Variants in KALRN observed in about 807,000 individuals in gnomAD.
KALRN encodes the protein kalirin.
In KALRN, 70 loss-of-function variants were observed where a neutral mutation model predicts 353.7. That is an observed-to-expected ratio of 0.20 (90% CI 0.16 to 0.24). The LOEUF (loss-of-function observed/expected upper bound fraction) is 0.24, where lower values mean the gene tolerates loss of function less well. Among genes scored for constraint, KALRN ranks in the 10% least tolerant of loss-of-function variants. The probability of loss-of-function intolerance (pLI) is 1.00; values close to 1 mark genes in which losing one functional copy is unlikely to be tolerated. For missense variants in KALRN, 2,791 were observed against 3,756.7 expected (o/e 0.74, Z 6.72); for synonymous variants, 1,391 against 1,434.8 (o/e 0.97, Z 0.69).
chr3:124,510,287 G>A (rs1033109968), intron 33 of KALRN, among the ~76,000 whole-genome samples: 1 of 152,180 alleles, frequency 6.6e-6, no homozygotes, highest in African/African-American at 2.4e-5. Flanking sequence ...TGGGAGCAAG[G>A]AGGAAGATCA....
intron 5 of KALRN, among the ~76,000 whole-genome samples, chr3:124,271,194 G>T (rs992316421): frequency 1.3e-5 from 2 of 152,190 alleles, no homozygotes; most frequent in African/African-American, 2.4e-5. Context: ...TTGCTCTGGG[G>T]CAGGGAATCT....
intron 1 of KALRN, among the ~76,000 whole-genome samples, chr3:124,060,497 T>A (rs1456478956): frequency 6.6e-6 from 1 of 152,232 alleles, no homozygotes; most frequent in Non-Finnish European, 1.5e-5. Flanking sequence ...AGTGCAAACC[T>A]CCAGGTGTCT....
chr3:124,647,228 A>G (rs1171269597), intron 37 of KALRN, among the ~76,000 whole-genome samples: 1 of 152,068 alleles, frequency 6.6e-6, no homozygotes, highest in African/African-American at 2.4e-5. Context: ...TCTTAATACC[A>G]TGCAGACAGG....
At chr3:124,611,001 G>A (rs1421104528) in intron 34 of KALRN, among the ~76,000 whole-genome samples, 1 of 152,128 alleles carries the variant, frequency 6.6e-6, no homozygotes, top group Non-Finnish European at 1.5e-5. Flanking sequence ...TCCAGCCTGG[G>A]CAACAGAGTG....
At chr3:124,306,997 A>G (rs559729551) in intron 6 of KALRN, among the ~76,000 whole-genome samples, 152 of 152,266 alleles carry the variant, frequency 1.0e-3, no homozygotes, top group Middle Eastern at 3.4e-3. Flanking sequence ...AGAAATAATA[A>G]AGGAAGTTTT....
chr3:124,375,446 G>A (rs1019430252), intron 10 of KALRN, among the ~76,000 whole-genome samples: 38 of 152,200 alleles, frequency 2.5e-4, no homozygotes, highest in Non-Finnish European at 4.3e-4. Flanking sequence ...GCTCCCCTAG[G>A]CCCAGCTTAC....
intron 33 of KALRN, among the ~76,000 whole-genome samples, chr3:124,553,970 C>G (rs542355542): frequency 1.3e-5 from 2 of 152,230 alleles, no homozygotes; most frequent in African/African-American, 4.8e-5. Context: ...CTTCTTTCCC[C>G]GAGGAGAGTA....
intron 33 of KALRN, among the ~76,000 whole-genome samples, chr3:124,535,820 C>T (rs183648510): frequency 2.2e-4 from 34 of 152,212 alleles, no homozygotes; most frequent in Non-Finnish European, 4.3e-4. Flanking sequence ...TGCAGGTAAG[C>T]GGTCCAGGAC....
chr3:124,319,272 C>T (rs2079087411), intron 6 of KALRN, among the ~76,000 whole-genome samples: 1 of 151,670 alleles, frequency 6.6e-6, no homozygotes, highest in Admixed American at 6.6e-5. Flanking sequence ...TGGAGTTCAG[C>T]CTCAGCAACA....
intron 33 of KALRN, among the ~76,000 whole-genome samples, chr3:124,560,506 T>C (rs1037433458): frequency 6.6e-6 from 1 of 152,186 alleles, no homozygotes; most frequent in African/African-American, 2.4e-5. Flanking sequence ...TAAAATAGAA[T>C]GTCAGAGTGG....
intron 6 of KALRN, among the ~76,000 whole-genome samples, chr3:124,323,795 G>A (rs1222166364): frequency 2.0e-5 from 3 of 152,210 alleles, no homozygotes; most frequent in African/African-American, 7.2e-5. Context: ...CAGGGGCATG[G>A]ATTCCAGGAT....
intron 49 of KALRN, chr3:124,677,725 A>G (rs1381909236): frequency 7.3e-6 from 3 of 408,854 alleles, no homozygotes; most frequent in Non-Finnish European, 1.4e-5. Context: ...AGAACTCTCA[A>G]TGTCATCCTT....
intron 1 of KALRN, among the ~76,000 whole-genome samples, chr3:124,169,870 G>C (rs1243110013): frequency 6.6e-6 from 1 of 152,096 alleles, no homozygotes; most frequent in African/African-American, 2.4e-5. Flanking sequence ...TGGAAATTAG[G>C]GTAACAGGGT....
chr3:124,514,281 C>A (rs2066290495), intron 33 of KALRN, among the ~76,000 whole-genome samples: 1 of 152,112 alleles, frequency 6.6e-6, no homozygotes, highest in Non-Finnish European at 1.5e-5. Context: ...AAAGTCCCTG[C>A]CAAGGACAGA....
intron 6 of KALRN, among the ~76,000 whole-genome samples, chr3:124,311,064 CTTTTTTTTTTTT>C (rs71145446): frequency 0.086 from 5,803 of 67,664 alleles, 217 homozygotes; most frequent in Middle Eastern, 0.19. Context: ...GATACTACTT[CTTTTTTTTTTTT>C]TTTTTTTTTT....
At chr3:124,237,959 G>A (rs2079987624) in intron 3 of KALRN, among the ~76,000 whole-genome samples, 1 of 152,136 alleles carries the variant, frequency 6.6e-6, no homozygotes, top group African/African-American at 2.4e-5. Flanking sequence ...AAACTTAATG[G>A]CCATTTGGGG....
rs1311074835 is a variant in KALRN, at chr3:124,536,687, A to G, written c.4936-26156A>G. ...TCATAACTCCTAACTTATTCCATAT[A>G]TCATAAAGAAGCGTTGTATTTTTCC... On this transcript the variant is annotated intron_variant, in intron 33 of 59. Coordinates refer to ENST00000682506, the MANE Select transcript of KALRN (RefSeq NM_001388419.1). Among the ~76,000 whole-genome samples, 4 of 152,246 alleles carry G rather than the reference A, an allele frequency of 2.6e-5. No individual in the cohort carries two copies. In the East Asian group the frequency reaches 7.7e-4, roughly 29 times the overall value.
intron 54 of KALRN, among the ~76,000 whole-genome samples, chr3:124,697,028 TC>T (rs2062086410): frequency 6.6e-6 from 1 of 152,136 alleles, no homozygotes; most frequent in Admixed American, 6.5e-5. Flanking sequence ...CAAGCTATCC[TC>T]CCACCTCAGC....
chr3:124,558,944 C>T (rs76735163), intron 33 of KALRN, among the ~76,000 whole-genome samples: 118 of 152,352 alleles, frequency 7.7e-4, no homozygotes, highest in African/African-American at 2.8e-3. Flanking sequence ...TTTTCCATAA[C>T]ATGAGGAAGC....
Sources: allele counts gnomAD v4.1 joint callset (sites outside exome capture counted in the v4.1 genomes callset), GRCh38; gene constraint gnomAD v4.1.1; transcripts MANE v1.5; gene names NCBI Gene and HGNC (gene_info 2026-07-23, HGNC 2026-07-21).